GRID1: variants seen among roughly 807,000 people sequenced by gnomAD.
GRID1 encodes glutamate receptor ionotropic, delta-1.
A neutral mutation model predicts 98.0 loss-of-function variants in GRID1; 28 were observed. That is an observed-to-expected ratio of 0.29 (90% CI 0.21 to 0.39). The LOEUF is 0.39. GRID1 is among the 10% of genes least tolerant of loss of function. GRID1 has a pLI of 1.00. For missense variants in GRID1, 1,111 were observed against 1,340.5 expected (o/e 0.83, Z 2.67); for synonymous variants, 553 against 538.5 (o/e 1.03, Z -0.37).
At position 85,724,395 on chromosome 10, in the gene GRID1, C is replaced by A; in HGVS notation, c.1815G>T (p.Leu605=). The change falls in exon 11 of 16, where the codon CTG becomes CTT. Residue 605 remains leucine (L), a synonymous_variant. Coordinates refer to ENST00000327946, the MANE Select transcript of GRID1 (RefSeq NM_017551.3). ...CATAGACAATCCAGATGGCGCTGTGCAGAGTGGCAGAAGCTGACGGCCTGG... is the reference window on the plus strand; with the variant it reads ...CATAGACAATCCAGATGGCGCTGTGAAGAGTGGCAGAAGCTGACGGCCTGG... ...AQPRPSASAT[L]HSAIWIVYGA... is the part of the protein sequence containing the mutation. 2 of 1,614,074 alleles carry A rather than the reference C, an allele frequency of 1.2e-6. No homozygotes were observed. Among genetic ancestry groups the A allele is most frequent in the Non-Finnish European group, 8.5e-7 (1 of 1,179,992 alleles).
intron 8 of GRID1, among the ~76,000 whole-genome samples, chr10:85,851,001 T>G (rs1843053216): frequency 6.6e-6 from 1 of 152,106 alleles, no homozygotes; most frequent in African/African-American, 2.4e-5. Flanking sequence ...ACACCACCTT[T>G]GGAAACTTAA....
At chr10:85,918,725 G>A (rs907745638) in intron 4 of GRID1, among the ~76,000 whole-genome samples, 5 of 152,204 alleles carry the variant, frequency 3.3e-5, no homozygotes, top group African/African-American at 1.2e-4. Flanking sequence ...CAATATAGGA[G>A]ACAACTTTCT....
intron 4 of GRID1, among the ~76,000 whole-genome samples, chr10:86,025,385 C>T (rs1843103272): frequency 6.6e-6 from 1 of 152,202 alleles, no homozygotes. Context: ...ACGAGTGATT[C>T]CAACAAGAGT....
At chr10:86,064,025 G>A (rs2131915524) in intron 4 of GRID1, among the ~76,000 whole-genome samples, 1 of 152,148 alleles carries the variant, frequency 6.6e-6, no homozygotes, top group Middle Eastern at 3.4e-3. Flanking sequence ...TATTAATGAT[G>A]TTTATCTCAA....
chr10:85,703,222 T>G (rs1427303470), intron 12 of GRID1, among the ~76,000 whole-genome samples: 1 of 152,152 alleles, frequency 6.6e-6, no homozygotes, highest in Non-Finnish European at 1.5e-5. Flanking sequence ...TTCTCAGATA[T>G]GCTGTCTCAG....
chr10:86,169,547 G>A (rs887349659), intron 3 of GRID1, among the ~76,000 whole-genome samples: 6 of 152,162 alleles, frequency 3.9e-5, no homozygotes, highest in African/African-American at 7.2e-5. Context: ...AGGAGAAAAC[G>A]AGGGTGGGAA....
At chr10:85,763,385 CT>C (rs969058281) in intron 8 of GRID1, among the ~76,000 whole-genome samples, 16 of 152,136 alleles carry the variant, frequency 1.1e-4, no homozygotes, top group African/African-American at 3.6e-4. Context: ...CCCTTTTGTT[CT>C]TCCTCTCACC....
At position 86,160,206 on chromosome 10, in the gene GRID1, C is replaced by T. The variant is rs551512784; in HGVS notation, c.521-21182G>A. 2.6e-5 allele frequency among the ~76,000 whole-genome samples: 4 copies of T among 152,320 alleles called. No homozygotes were observed. In the South Asian group the frequency reaches 6.2e-4, roughly 24 times the overall value. On this transcript the variant is annotated intron_variant, in intron 3 of 15. Transcript: ENST00000327946. ...GATGTGTATGCTATGCTTGGTCTTG[C>T]CAAAGCCACAGCTGAGTCCTAAGGC...
chr10:85,898,205 G>A (rs1841321751), intron 5 of GRID1, among the ~76,000 whole-genome samples: 1 of 152,182 alleles, frequency 6.6e-6, no homozygotes, highest in Admixed American at 6.5e-5. Flanking sequence ...GCTAGACATA[G>A]AAAAGGTATA....
chr10:86,259,210 T>C (rs1846972577), intron 2 of GRID1, among the ~76,000 whole-genome samples: 1 of 152,240 alleles, frequency 6.6e-6, no homozygotes, highest in South Asian at 2.1e-4. Flanking sequence ...CCCCCTGCCC[T>C]AGGGCAAGTG....
At chr10:86,051,096 A>C (rs1843496667) in intron 4 of GRID1, among the ~76,000 whole-genome samples, 1 of 151,374 alleles carries the variant, frequency 6.6e-6, no homozygotes, top group African/African-American at 2.4e-5. Flanking sequence ...AAATGTGTAT[A>C]TATATATTTA....
chr10:86,221,836 T>C (rs1846258284), intron 2 of GRID1, among the ~76,000 whole-genome samples: 2 of 152,058 alleles, frequency 1.3e-5, no homozygotes, highest in Non-Finnish European at 2.9e-5. Flanking sequence ...TCTGGGAAAG[T>C]GGCCACAGGG....
chr10:86,263,183 G>A (rs1313499924), intron 2 of GRID1, among the ~76,000 whole-genome samples: 2 of 152,236 alleles, frequency 1.3e-5, no homozygotes, highest in African/African-American at 2.4e-5. Flanking sequence ...AAACCAGAAC[G>A]GTTATTTATC....
chr10:85,660,959 A>G (rs1217018942), intron 12 of GRID1, among the ~76,000 whole-genome samples: 12 of 152,104 alleles, frequency 7.9e-5, no homozygotes, highest in Non-Finnish European at 1.5e-4. Flanking sequence ...AGGAATATTC[A>G]TGGATTGAGT....
intron 4 of GRID1, among the ~76,000 whole-genome samples, chr10:86,080,656 A>G (rs948125213): frequency 2.0e-5 from 3 of 152,074 alleles, no homozygotes; most frequent in Admixed American, 6.5e-5. Context: ...TCTGAGTGGG[A>G]GTCCCCAGAA....
chr10:85,881,007 T>C (rs1192038536), intron 5 of GRID1, among the ~76,000 whole-genome samples: 4 of 152,090 alleles, frequency 2.6e-5, no homozygotes, highest in African/African-American at 9.7e-5. Context: ...AAATCATGAG[T>C]GAACTCCTAT....
chr10:85,719,975 A>C (rs1410499049), intron 12 of GRID1, among the ~76,000 whole-genome samples: 2 of 152,190 alleles, frequency 1.3e-5, no homozygotes, highest in Non-Finnish European at 1.5e-5. Context: ...TTCTCAGTGA[A>C]AGACCCTGTT....
chr10:85,757,147 A>T (rs1428618894), intron 8 of GRID1, among the ~76,000 whole-genome samples: 1 of 152,164 alleles, frequency 6.6e-6, no homozygotes, highest in Admixed American at 6.5e-5. Context: ...CACTCAGCAG[A>T]TGCTCCTCTA....
intron 2 of GRID1, among the ~76,000 whole-genome samples, chr10:86,310,694 G>A (rs746958696): frequency 2.6e-5 from 4 of 152,146 alleles, no homozygotes; most frequent in Non-Finnish European, 2.9e-5. Flanking sequence ...CTCAAACCTA[G>A]ACAGACATGC....
Sources: allele counts gnomAD v4.1 joint callset (sites outside exome capture counted in the v4.1 genomes callset), GRCh38; gene constraint gnomAD v4.1.1; transcripts MANE v1.5; gene names NCBI Gene and HGNC (gene_info 2026-07-23, HGNC 2026-07-21).